The following NALCN variants were observed in gnomAD, a reference collection of about 807,000 sequenced individuals.
NALCN encodes sodium leak channel NALCN.
NALCN carries 111 observed loss-of-function variants against 225.3 expected under a neutral mutation model. The observed-to-expected ratio is 0.49, with a 90% CI of 0.42 to 0.58. The LOEUF (loss-of-function observed/expected upper bound fraction) is 0.58, where lower values mean the gene tolerates loss of function less well. NALCN is among the 20% of genes least tolerant of loss of function. NALCN has a pLI of 0.00. For synonymous variants in NALCN, 764 were observed against 769.0 expected (o/e 0.99, Z 0.11); for missense variants, 1,378 against 2,202.4 (o/e 0.63, Z 7.49).
intron 17 of NALCN, among the ~76,000 whole-genome samples, chr13:101,137,263 C>A (rs750945491): frequency 6.6e-6 from 1 of 152,050 alleles, no homozygotes; most frequent in Non-Finnish European, 1.5e-5. Context: ...GGAGATACAT[C>A]TTGAATGGTA....
At chr13:101,076,621 C>T (rs371314806) in intron 34 of NALCN, among the ~76,000 whole-genome samples, 15 of 152,252 alleles carry the variant, frequency 9.9e-5, no homozygotes, top group South Asian at 8.3e-4. Context: ...ATGGGCCCCG[C>T]GAAGGGGGTC....
At chr13:101,164,247 T>C (rs1454685679) in intron 15 of NALCN, among the ~76,000 whole-genome samples, 4 of 152,108 alleles carry the variant, frequency 2.6e-5, no homozygotes, top group Non-Finnish European at 5.9e-5. Flanking sequence ...CTCCCACCTA[T>C]ACTTATTTGA....
intron 2 of NALCN, among the ~76,000 whole-genome samples, chr13:101,397,761 A>G (rs1322204966): frequency 1.3e-5 from 2 of 152,120 alleles, no homozygotes; most frequent in Admixed American, 6.6e-5. Flanking sequence ...TATGATGCAT[A>G]TAAAAATACA....
At chr13:101,098,663 A>G (rs2034644192) in intron 27 of NALCN, among the ~76,000 whole-genome samples, 1 of 152,122 alleles carries the variant, frequency 6.6e-6, no homozygotes, top group South Asian at 2.1e-4. Flanking sequence ...TGTGATCTAA[A>G]TGTTGGTGTA....
chr13:101,163,680 C>T (rs528687032), intron 15 of NALCN, among the ~76,000 whole-genome samples: 1 of 152,222 alleles, frequency 6.6e-6, no homozygotes, highest in Non-Finnish European at 1.5e-5. Context: ...TGCTCTCAGC[C>T]AGGCTACTTG....
intron 7 of NALCN, among the ~76,000 whole-genome samples, chr13:101,317,162 A>G (rs901716445): frequency 3.3e-5 from 5 of 152,186 alleles, no homozygotes; most frequent in Admixed American, 6.5e-5. Flanking sequence ...AAATATTTAG[A>G]AAGTTGTTCT....
At chr13:101,207,235 A>G (rs1356543141) in intron 13 of NALCN, among the ~76,000 whole-genome samples, 2 of 152,254 alleles carry the variant, frequency 1.3e-5, no homozygotes, top group Non-Finnish European at 1.5e-5. Context: ...ATATCACAGT[A>G]TCTGTGCTTC....
At chr13:101,229,863 C>T (rs374236844) in intron 12 of NALCN, among the ~76,000 whole-genome samples, 16 of 152,046 alleles carry the variant, frequency 1.1e-4, no homozygotes, top group Admixed American at 2.0e-4. Context: ...ATTTTTCTAA[C>T]GTTCAAATAT....
chr13:101,054,403 C>A lies in NALCN; in HGVS notation c.*892G>T, dbSNP rs201191279. On this transcript the variant is annotated 3_prime_UTR_variant, in exon 44 of 44. Coordinates refer to ENST00000251127, the MANE Select transcript of NALCN (RefSeq NM_052867.4). ...ATGAAATGACTCTGCTGATTTATGG[C>A]AAAACAGACATACCTTGGGTAAGAA... 1 of 152,102 alleles carries A rather than the reference C, an allele frequency of 6.6e-6. No individual in the cohort carries two copies. The highest frequency in any genetic ancestry group is 1.9e-4 in the East Asian group (1 of 5,196). 9.4% of individuals were successfully genotyped at this position (152,102 alleles called of 1,614,324 possible).
chr13:101,272,601 A>T (rs2042833753), intron 10 of NALCN, among the ~76,000 whole-genome samples: 1 of 152,226 alleles, frequency 6.6e-6, no homozygotes, highest in Non-Finnish European at 1.5e-5. Flanking sequence ...TGAGTCAAAA[A>T]ATATCAAAAT....
At chr13:101,326,045 C>CT (rs907104760) in intron 7 of NALCN, among the ~76,000 whole-genome samples, 2 of 152,020 alleles carry the variant, frequency 1.3e-5, no homozygotes, top group African/African-American at 4.8e-5. Context: ...TACAAGTTTC[C>CT]TTTTTTACAA....
At chr13:101,087,691 C>T (rs1049697862) in intron 30 of NALCN, among the ~76,000 whole-genome samples, 3 of 152,194 alleles carry the variant, frequency 2.0e-5, no homozygotes, top group Non-Finnish European at 4.4e-5. Context: ...ACCTGCAGAA[C>T]ATAAATACAG....
At position 101,067,862 on chromosome 13, in the gene NALCN, G is replaced by C. The variant is rs531015641; in HGVS notation, c.4446+56C>G. The C allele has an allele frequency of 1.3e-5, 16 of 1,189,186 alleles. No homozygotes were observed. In the African/African-American group the frequency reaches 2.3e-4, roughly 17 times the overall value. The allele number at this position is 1,189,186 out of a possible 1,614,324, so 73.7% of individuals were successfully genotyped here. A position where few individuals can be genotyped will look rare whatever the true frequency, so the allele number is the denominator to read the frequency against. On this transcript the variant is annotated intron_variant, in intron 39 of 43. Coordinates refer to ENST00000251127, the MANE Select transcript of NALCN (RefSeq NM_052867.4). Reference sequence around the variant, plus strand: ...ACCTGAAAACCATTTAAGTGTTTGAGACATGTTGATAAGTCTCTTTGAGGT... The same window carrying C: ...ACCTGAAAACCATTTAAGTGTTTGACACATGTTGATAAGTCTCTTTGAGGT...
At chr13:101,204,950 T>C (rs914345488) in intron 13 of NALCN, among the ~76,000 whole-genome samples, 8 of 152,098 alleles carry the variant, frequency 5.3e-5, no homozygotes, top group African/African-American at 1.9e-4. Flanking sequence ...ACTGTAGATA[T>C]AATGGCCCCT....
chr13:101,080,579 A>AT (rs1243208033), intron 34 of NALCN, among the ~76,000 whole-genome samples: 79 of 143,436 alleles, frequency 5.5e-4, no homozygotes, highest in African/African-American at 1.8e-3. Flanking sequence ...CCAAATAATT[A>AT]TATAATTAAA....
In NALCN at chr13:101,104,827, G is replaced by A. The variant is rs1028418201; in HGVS notation, c.2636+67C>T. The A allele has an allele frequency of 1.3e-6, 2 of 1,573,460 alleles. No individual in the cohort carries two copies. Among genetic ancestry groups the A allele is most frequent in the Middle Eastern group, 1.7e-4 (1 of 5,972 alleles). On this transcript the variant is annotated intron_variant, in intron 23 of 43. Coordinates refer to ENST00000251127, the MANE Select transcript of NALCN (RefSeq NM_052867.4). This position sits in a 1 kb window ranked among gnomAD's most constrained non-coding sequence, Gnocchi z 4.2. ...AAAATAAAAGAGAATTTTAATCGTT[G>A]TATGCAGCATAAAATAGTACATGAA... is the stretch of plus-strand genomic sequence containing the variant.
Position 101,093,948 on chromosome 13 carries a change from G to A in NALCN, c.3269+1626C>T, listed in dbSNP as rs141021256. ...TCTCACATGACTGAGGTGGGATGTC[G>A]TTGAAAGGAATGGAGGAATGGAGTT... On this transcript the variant is annotated intron_variant, in intron 28 of 43. Coordinates refer to ENST00000251127, the MANE Select transcript of NALCN (RefSeq NM_052867.4). Among the ~76,000 whole-genome samples, 433 of 152,270 alleles carry A rather than the reference G, an allele frequency of 2.8e-3. 2 individuals are homozygous for A. The highest frequency in any genetic ancestry group is 9.3e-3 in the African/African-American group (388 of 41,558).
intron 7 of NALCN, among the ~76,000 whole-genome samples, chr13:101,311,547 T>C (rs2044347192): frequency 6.6e-6 from 1 of 151,726 alleles, no homozygotes; most frequent in Non-Finnish European, 1.5e-5. Flanking sequence ...AATACCTAAT[T>C]TATTGAGAGT....
At chr13:101,378,501 A>G (rs1029109662) in intron 4 of NALCN, 69 bp downstream of exon 4, 2 of 1,178,034 alleles carry the variant, frequency 1.7e-6, no homozygotes, top group Non-Finnish European at 2.4e-6. Flanking sequence ...ATTTCTATTT[A>G]GACTTTTAAT....
Sources: allele counts gnomAD v4.1 joint callset (sites outside exome capture counted in the v4.1 genomes callset), GRCh38; gene constraint gnomAD v4.1.1; non-coding constraint Gnocchi (gnomAD v3.1); transcripts MANE v1.5; gene names NCBI Gene and HGNC (gene_info 2026-07-23, HGNC 2026-07-21).